HIBCH: variants seen among roughly 807,000 people sequenced by gnomAD.
HIBCH encodes the protein 3-hydroxyisobutyryl-CoA hydrolase, mitochondrial.
Under a neutral mutation model 58.2 loss-of-function variants are expected in HIBCH, and 50 were observed. The ratio of observed to expected loss-of-function variants is 0.86; its 90% CI spans 0.68 to 1.09. HIBCH has a LOEUF of 1.09. Ranked by LOEUF, HIBCH falls within the 50% of genes least tolerant of loss-of-function variation. HIBCH has a pLI of 0.00. For missense variants in HIBCH, 450 were observed against 449.7 expected (o/e 1.00, Z -0.01); for synonymous variants, 151 against 146.9 (o/e 1.03, Z -0.20).
At chr2:190,284,778 A>T (rs1687789565) in intron 6 of HIBCH, among the ~76,000 whole-genome samples, 1 of 152,084 alleles carries the variant, frequency 6.6e-6, no homozygotes, top group South Asian at 2.1e-4. Context: ...TTATAATTTT[A>T]AAAAATTTAC....
Position 190,311,655 on chromosome 2 carries a change from G to A in HIBCH, c.36-859C>T, listed in dbSNP as rs113724495. On this transcript the variant is annotated intron_variant, in intron 1 of 13. Coordinates refer to ENST00000359678, the MANE Select transcript of HIBCH (RefSeq NM_014362.4). ...TCAGAAATATGACCAAAGTCTGATT[G>A]ATAAATATGTTCACATTATTTACAG... Among the ~76,000 whole-genome samples, 148 of 152,214 alleles carry A rather than the reference G, an allele frequency of 9.7e-4. 2 individuals are homozygous for A. The highest frequency in any genetic ancestry group is 3.5e-3 in the African/African-American group (145 of 41,528).
chr2:190,219,282 T>C (rs1171966084), intron 11 of HIBCH, among the ~76,000 whole-genome samples: 1 of 151,976 alleles, frequency 6.6e-6, no homozygotes, highest in Non-Finnish European at 1.5e-5. Flanking sequence ...GAACAAATAG[T>C]AGTAGAAAGA....
At chr2:190,203,517 GCTTT>G (rs1384657435), downstream of HIBCH, 2 of 160,886 alleles carry the variant, frequency 1.2e-5, no homozygotes, top group Non-Finnish European at 2.9e-5. Context: ...TGAAGCAAAT[GCTTT>G]CTGACAGTGT....
At chr2:190,283,474 C>T (rs1687756358) in intron 6 of HIBCH, among the ~76,000 whole-genome samples, 1 of 152,206 alleles carries the variant, frequency 6.6e-6, no homozygotes, top group Admixed American at 6.5e-5. Context: ...ACCATTGCTC[C>T]ATCTGTAAGG....
At chr2:190,273,263 C>T (rs1457954882) in intron 6 of HIBCH, among the ~76,000 whole-genome samples, 3 of 151,992 alleles carry the variant, frequency 2.0e-5, no homozygotes, top group East Asian at 3.9e-4. Flanking sequence ...TGTGGTGGCA[C>T]GCGCCTGTAA....
chr2:190,248,768 C>T (rs983428586), intron 9 of HIBCH, among the ~76,000 whole-genome samples: 14 of 151,136 alleles, frequency 9.3e-5, no homozygotes, highest in Non-Finnish European at 1.3e-4. Flanking sequence ...GGCTGAGGCA[C>T]GAGAATCGCT....
intron 1 of HIBCH, among the ~76,000 whole-genome samples, chr2:190,311,434 C>T (rs1688556403): frequency 6.6e-6 from 1 of 152,110 alleles, no homozygotes. Flanking sequence ...TATAACTACT[C>T]TAAAAAATAA....
Position 190,252,183 on chromosome 2 carries a change from T to C in HIBCH, c.642A>G (p.Thr214=). 1.2e-6 allele frequency: 2 copies of C among 1,613,996 alleles called. No individual in the cohort carries two copies. The highest frequency in any genetic ancestry group is 1.3e-5 in the African/African-American group (1 of 75,046). The change falls in exon 8 of 14, where the codon ACA becomes ACG. Residue 214 remains threonine (T), a synonymous_variant. Transcript: ENST00000359678. ...GRDVYRAGIA[T]HFVDSEKLAM... is the part of the protein sequence containing the mutation. ...GTACCTTTTCAGAATCTACAAAGTG[T>C]GTAGCAATTCCTGCTCTGTACACAT...
downstream of HIBCH, chr2:190,200,264 G>C: frequency 1.2e-6 from 1 of 808,578 alleles, no homozygotes; most frequent in Non-Finnish European, 2.0e-6. Flanking sequence ...ATGTGTCTAC[G>C]ATAATGTCAC....
At chr2:190,200,234 ATAAC>A (rs1690187456), downstream of HIBCH, 2 of 1,059,580 alleles carry the variant, frequency 1.9e-6, no homozygotes, top group East Asian at 2.4e-5. Flanking sequence ...AAAAGTACAA[ATAAC>A]TATCTGGATT....
intron 11 of HIBCH, among the ~76,000 whole-genome samples, chr2:190,225,514 A>G (rs554500829): frequency 6.6e-6 from 1 of 152,348 alleles, no homozygotes; most frequent in Admixed American, 6.5e-5. Flanking sequence ...AATCTAGAAA[A>G]TCTAGAAGAA....
chr2:190,272,461 C>T (rs1329191165), intron 6 of HIBCH, among the ~76,000 whole-genome samples: 3 of 152,118 alleles, frequency 2.0e-5, no homozygotes, highest in African/African-American at 4.8e-5. Context: ...AATACTTTCA[C>T]GCCTCAATAA....
intron 13 of HIBCH, 22 bp from the exon 14 acceptor site, chr2:190,205,254 G>T: frequency 8.1e-7 from 1 of 1,238,822 alleles, no homozygotes; most frequent in Non-Finnish European, 1.2e-6. Context: ...AGATACAAAT[G>T]TTAATACCAT....
intron 11 of HIBCH, among the ~76,000 whole-genome samples, chr2:190,218,596 T>C (rs959928824): frequency 5.3e-5 from 8 of 152,026 alleles, no homozygotes; most frequent in African/African-American, 1.9e-4. Context: ...AAATTAAAAA[T>C]ATGGGGATGT....
At position 190,248,220 on chromosome 2, in the gene HIBCH, G is replaced by A. The variant is rs1458209691; in HGVS notation, c.750+1420C>T. On this transcript the variant is annotated intron_variant, in intron 9 of 13. Coordinates refer to ENST00000359678, the MANE Select transcript of HIBCH (RefSeq NM_014362.4). ...TTTTCTATGCAAAGCACTAAAATTA[G>A]GAAGCTTTGCGTCTAATGTCAGTTG... is the stretch of plus-strand genomic sequence containing the variant. Among the ~76,000 whole-genome samples the A allele has an allele frequency of 2.6e-5, 4 of 152,152 alleles. No homozygotes were observed. In the East Asian group the frequency reaches 7.7e-4, roughly 29 times the overall value.
At position 190,244,886 on chromosome 2, in the gene HIBCH, C is replaced by T. The variant is rs915412371; in HGVS notation, c.891+1G>A. 1.4e-5 allele frequency: 22 copies of T among 1,594,072 alleles called. No individual in the cohort carries two copies. Among genetic ancestry groups the T allele is most frequent in the Admixed American group, 6.7e-5 (4 of 59,976 alleles). On this transcript the variant is annotated splice_donor_variant, in intron 11 of 13. Coordinates refer to ENST00000359678, the MANE Select transcript of HIBCH (RefSeq NM_014362.4). LOFTEE classifies it high-confidence loss of function. ...CAGGGCAGAAAGGATTCCAATATTA[C>T]CTTCAATTGCTCTAGGGCAAAAGAT...
intron 11 of HIBCH, among the ~76,000 whole-genome samples, chr2:190,232,267 C>T (rs1686123238): frequency 6.6e-6 from 1 of 152,036 alleles, no homozygotes; most frequent in South Asian, 2.1e-4. Context: ...AAAATGACAC[C>T]ATTTAAACAT....
chr2:190,271,139 T>C (rs1211499550), intron 6 of HIBCH, among the ~76,000 whole-genome samples: 1 of 152,044 alleles, frequency 6.6e-6, no homozygotes, highest in Non-Finnish European at 1.5e-5. Context: ...CCACCATTTA[T>C]TCCATGGCCC....
At chr2:190,266,153 A>G (rs1231502459) in intron 6 of HIBCH, among the ~76,000 whole-genome samples, 1 of 152,200 alleles carries the variant, frequency 6.6e-6, no homozygotes, top group Non-Finnish European at 1.5e-5. Context: ...TTTAAAATAT[A>G]TTAAGATGAA....
Sources: allele counts gnomAD v4.1 joint callset (sites outside exome capture counted in the v4.1 genomes callset), GRCh38; gene constraint gnomAD v4.1.1; transcripts MANE v1.5; gene names NCBI Gene and HGNC (gene_info 2026-07-23, HGNC 2026-07-21).